GAB2: variants seen among roughly 807,000 people sequenced by gnomAD.
The protein encoded by GAB2 is GRB2-associated-binding protein 2.
In GAB2, 26 loss-of-function variants were observed where a neutral mutation model predicts 65.5. The observed-to-expected ratio is 0.40, with a 90% CI of 0.29 to 0.55. GAB2 has a LOEUF of 0.55. Ranked by LOEUF, GAB2 falls within the 20% of genes least tolerant of loss-of-function variation. The probability of loss-of-function intolerance (pLI) is 0.53; values close to 1 mark genes in which losing one functional copy is unlikely to be tolerated. For missense variants in GAB2, 884 were observed against 875.8 expected (o/e 1.01, Z -0.12); for synonymous variants, 321 against 329.6 (o/e 0.97, Z 0.28).
rs1591053265 is a variant in GAB2 at position 78,343,515 on chromosome 11, A to G, written c.76-62614T>C. 2.0e-5 allele frequency among the ~76,000 whole-genome samples: 3 copies of G among 152,266 alleles called. No homozygotes were observed. In the South Asian group the frequency reaches 6.2e-4, roughly 32 times the overall value. On this transcript the variant is annotated intron_variant, in intron 1 of 9. Transcript: ENST00000361507. ...TTTTTAACTATTTTCAAAAGATGGAAATAGATGGGATTATATTGGTAAATG... is the reference window on the plus strand; with the variant it reads ...TTTTTAACTATTTTCAAAAGATGGAGATAGATGGGATTATATTGGTAAATG...
chr11:78,226,528 C>A lies in GAB2; in HGVS notation c.1144G>T (p.Val382Phe), dbSNP rs1565114490. 6.2e-7 allele frequency: 1 copy of A among 1,603,648 alleles called. No homozygotes were observed. The highest frequency in any genetic ancestry group is 1.4e-5 in the African/African-American group (1 of 72,018). The change falls in exon 4 of 10, where the codon GTC (valine) becomes TTC (phenylalanine). Residue 382 changes from valine to phenylalanine, a missense_variant. By Grantham distance (50) the Val-to-Phe change is conservative. Coordinates refer to ENST00000361507, the MANE Select transcript of GAB2 (RefSeq NM_080491.3). The part of the protein sequence containing the change: ...RPPISENSRS[V>F]AATIPRRNTL... ...TTGCGTCTGGGGATGGTGGCAGCGA[C>A]AGATCTGCTATTTTCACTGATTGGC...
At chr11:78,385,742 A>G (rs1341039005) in intron 1 of GAB2, among the ~76,000 whole-genome samples, 1 of 152,216 alleles carries the variant, frequency 6.6e-6, no homozygotes, top group East Asian at 1.9e-4. Context: ...CAAACTGAGG[A>G]AAGTTACCAT....
chr11:78,255,385 A>G (rs1056091031), intron 2 of GAB2, among the ~76,000 whole-genome samples: 3 of 152,220 alleles, frequency 2.0e-5, no homozygotes, highest in African/African-American at 7.2e-5. Flanking sequence ...TGGAGGTCCT[A>G]GGAAACCAAT....
intron 1 of GAB2, chr11:78,318,369 C>CAAAAAAAAAAAAAAAAAAAAAGAAAAAAA (rs11272998): frequency 2.1e-5 from 1 of 47,676 alleles, no homozygotes; most frequent in Non-Finnish European, 4.0e-5. Flanking sequence ...TGTTAAATGC[C>CAAAAAAAAAAAAAAAAAAAAAGAAAAAAA]AAAAAAAAAA....
chr11:78,245,654 C>G (rs935448625), intron 3 of GAB2, among the ~76,000 whole-genome samples: 1 of 152,326 alleles, frequency 6.6e-6, no homozygotes, highest in East Asian at 1.9e-4. Flanking sequence ...AGTTTTGCTT[C>G]TAACACTTAT....
chr11:78,283,220 A>G (rs1866378337), intron 1 of GAB2, among the ~76,000 whole-genome samples: 1 of 152,154 alleles, frequency 6.6e-6, no homozygotes, highest in Non-Finnish European at 1.5e-5. Flanking sequence ...AAATTTACAC[A>G]TGTTCCATGA....
At chr11:78,413,574 A>T (rs1219121841) in intron 1 of GAB2, among the ~76,000 whole-genome samples, 6 of 152,196 alleles carry the variant, frequency 3.9e-5, no homozygotes, top group Non-Finnish European at 1.5e-5. Context: ...ACTGGAGCCG[A>T]CTGAGAAGAA....
intron 2 of GAB2, among the ~76,000 whole-genome samples, chr11:78,267,868 A>AAAAAAAAAAAAAAAAAAAAAG (rs1865909712): frequency 6.6e-6 from 1 of 150,808 alleles, no homozygotes. Flanking sequence ...AAAAAAAAAA[A>AAAAAAAAAAAAAAAAAAAAAG]AAAAAAAAAA....
At chr11:78,272,442 T>G (rs1866041072) in intron 2 of GAB2, among the ~76,000 whole-genome samples, 1 of 152,156 alleles carries the variant, frequency 6.6e-6, no homozygotes, top group Admixed American at 6.6e-5. Flanking sequence ...CTTGTTATAT[T>G]TTAGCAAAGA....
intron 1 of GAB2, among the ~76,000 whole-genome samples, chr11:78,320,452 A>G (rs1855701080): frequency 1.3e-5 from 2 of 152,316 alleles, no homozygotes; most frequent in African/African-American, 4.8e-5. Flanking sequence ...TGGGAAGAAG[A>G]TAAGGAATTT....
intron 1 of GAB2, among the ~76,000 whole-genome samples, chr11:78,383,010 C>G (rs1036835601): frequency 5.3e-5 from 8 of 152,190 alleles, no homozygotes; most frequent in African/African-American, 1.9e-4. Flanking sequence ...TGGTGGCTCA[C>G]GCCTGTAATC....
rs1866109810 is a variant in GAB2 at position 78,274,427 on chromosome 11, A to G, written c.376+6174T>C. Among the ~76,000 whole-genome samples the G allele has an allele frequency of 3.3e-5, 5 of 152,346 alleles. No individual in the cohort carries two copies. In the South Asian group the frequency reaches 1.0e-3, roughly 32 times the overall value. On this transcript the variant is annotated intron_variant, in intron 2 of 9. Coordinates refer to ENST00000361507, the MANE Select transcript of GAB2 (RefSeq NM_080491.3). ...GATCAACTCCAGGGGATACCCCTAC[A>G]CAGAAAACAATGTGAATAGTCCTTT... is the stretch of plus-strand genomic sequence containing the variant.
At chr11:78,269,882 A>C (rs909834864) in intron 2 of GAB2, among the ~76,000 whole-genome samples, 1 of 152,208 alleles carries the variant, frequency 6.6e-6, no homozygotes, top group Non-Finnish European at 1.5e-5. Flanking sequence ...CGAGAAGGTA[A>C]AAAACTAAAA....
intron 1 of GAB2, among the ~76,000 whole-genome samples, chr11:78,349,197 A>C (rs1325320752): frequency 6.6e-6 from 1 of 152,238 alleles, no homozygotes; most frequent in Non-Finnish European, 1.5e-5. Context: ...GTTGATAAGG[A>C]AAAAAGTAAT....
intron 1 of GAB2, among the ~76,000 whole-genome samples, chr11:78,282,540 C>T (rs1866364644): frequency 1.3e-5 from 2 of 152,058 alleles, no homozygotes; most frequent in African/African-American, 4.8e-5. Flanking sequence ...AACTCCTGAC[C>T]TCAGGTGATC....
At chr11:78,393,032 C>T (rs140717641) in intron 1 of GAB2, among the ~76,000 whole-genome samples, 4 of 152,182 alleles carry the variant, frequency 2.6e-5, no homozygotes, top group Non-Finnish European at 4.4e-5. Flanking sequence ...AACACAGTCA[C>T]GCTGCAACAT....
intron 1 of GAB2, among the ~76,000 whole-genome samples, chr11:78,367,448 T>C (rs1856511768): frequency 2.0e-5 from 3 of 152,250 alleles, no homozygotes; most frequent in African/African-American, 7.2e-5. Flanking sequence ...CAGTTCCAGC[T>C]AATTGCTGCT....
intron 1 of GAB2, among the ~76,000 whole-genome samples, chr11:78,328,421 T>C (rs1208496074): frequency 2.0e-5 from 3 of 152,314 alleles, no homozygotes; most frequent in East Asian, 1.9e-4. Flanking sequence ...TGTACCATCT[T>C]CTCAGTTCTT....
chr11:78,216,526 A>T lies in GAB2; in HGVS notation c.*2746T>A, dbSNP rs1430701546. On this transcript the variant is annotated 3_prime_UTR_variant, in exon 10 of 10. Coordinates refer to ENST00000361507, the MANE Select transcript of GAB2 (RefSeq NM_080491.3). ...TTTCAAAAGGTCAATTTCACCTCTCATCCTTCCATCTCTACCCCTACACTT... is the reference window on the plus strand; with the variant it reads ...TTTCAAAAGGTCAATTTCACCTCTCTTCCTTCCATCTCTACCCCTACACTT... The T allele has an allele frequency of 1.3e-5, 2 of 152,130 alleles. No homozygotes were observed. The highest frequency in any genetic ancestry group is 2.9e-5 in the Non-Finnish European group (2 of 68,032). The allele number at this position is 152,130 out of a possible 1,614,324, so 9.4% of individuals were successfully genotyped here.
Sources: gnomAD v4.1 joint callset for allele counts (sites outside exome capture counted in the v4.1 genomes callset) on GRCh38, gnomAD v4.1.1 for gene constraint, MANE v1.5 for transcripts, NCBI Gene and HGNC (gene_info 2026-07-23, HGNC 2026-07-21) for gene names.